Variants in ZNF502 observed in about 807,000 individuals in gnomAD.
The protein encoded by ZNF502 is zinc finger protein 502.
ZNF502 carries 29 observed loss-of-function variants against 43.6 expected under a neutral mutation model. That is an observed-to-expected ratio of 0.67 (90% confidence interval 0.50 to 0.91). The LOEUF (loss-of-function observed/expected upper bound fraction) is 0.91, where lower values mean the gene tolerates loss of function less well. Among genes scored for constraint, ZNF502 ranks in the 40% least tolerant of loss-of-function variants. The probability of loss-of-function intolerance (pLI) is 0.00; values close to 1 mark genes in which losing one functional copy is unlikely to be tolerated. For synonymous variants in ZNF502, 171 were observed against 207.4 expected (o/e 0.82, Z 1.51); for missense variants, 591 against 647.2 (o/e 0.91, Z 0.94).
Position 44,722,222 on chromosome 3 carries a change from G to A in ZNF502, c.1405G>A (p.Gly469Arg), listed in dbSNP as rs200626096. ...GAAGCCCTATAAATGTAAAGAATGT[G>A]GGAAAGCCTTTGCTCATAGCTCATC... is the stretch of plus-strand genomic sequence containing the variant. ...GEKPYKCKEC[G>R]KAFAHSSSLT... Residue 469 changes from glycine to arginine, a missense_variant, in exon 3 of 3, where the codon GGG becomes AGG. Physicochemically the swap from Gly to Arg is moderately radical, Grantham distance 125. Transcript: ENST00000436624. The A allele has an allele frequency of 1.5e-5, 25 of 1,614,024 alleles. No individual in the cohort carries two copies. Among genetic ancestry groups the A allele is most frequent in the African/African-American group, 2.7e-5 (2 of 74,916 alleles).
intron 1 of ZNF502, 73 bp from the exon 2 acceptor site, chr3:44,720,130 C>A: frequency 1.1e-6 from 1 of 915,898 alleles, no homozygotes; most frequent in Non-Finnish European, 1.8e-6. Context: ...TAGGCAACAG[C>A]TCTTTGTTTT....
intron 1 of ZNF502, among the ~76,000 whole-genome samples, chr3:44,713,576 T>C (rs932377143): frequency 6.6e-6 from 1 of 151,726 alleles, no homozygotes; most frequent in African/African-American, 2.4e-5. Context: ...TGTTTTTTGG[T>C]TTTTGGTTTG....
At chr3:44,720,790 C>CT in intron 2 of ZNF502, 83 bp from the exon 3 acceptor site, 1 of 1,491,858 alleles carries the variant, frequency 6.7e-7, no homozygotes, top group Non-Finnish European at 9.0e-7. Context: ...TTACTGAGGT[C>CT]TGCCAAAAGT....
At position 44,721,809 on chromosome 3, in the gene ZNF502, CTT is replaced by C. The variant is rs1352667853; in HGVS notation, c.994_995del (p.Phe332ProfsTer14). The C allele has an allele frequency of 6.2e-7, 1 of 1,613,968 alleles. No homozygotes were observed. Among genetic ancestry groups the C allele is most frequent in the Non-Finnish European group, 8.5e-7 (1 of 1,180,000 alleles). On this transcript the variant is annotated frameshift_variant, in exon 3 of 3. Coordinates refer to ENST00000436624, the MANE Select transcript of ZNF502 (RefSeq NM_001134442.3). LOFTEE classifies it high-confidence loss of function. ...CATAAATGTGACGAATGTGGGAAAACTTTCCAAACAAAGGCAAACCTCTCTCA... is the reference window on the plus strand; with the variant it reads ...CATAAATGTGACGAATGTGGGAAAACTCCAAACAAAGGCAAACCTCTCTCA...
chr3:44,718,394 A>G (rs1030100640), intron 1 of ZNF502, among the ~76,000 whole-genome samples: 1 of 152,240 alleles, frequency 6.6e-6, no homozygotes, highest in African/African-American at 2.4e-5. Flanking sequence ...TGCTGTAGAC[A>G]GAGGAATATG....
At chr3:44,717,215 AG>A (rs1240815722) in intron 1 of ZNF502, among the ~76,000 whole-genome samples, 3 of 151,944 alleles carry the variant, frequency 2.0e-5, no homozygotes, top group African/African-American at 7.3e-5. Context: ...TTTTTTTTCC[AG>A]GTAGTTAGCA....
Position 44,722,204 on chromosome 3 carries a change from T to A in ZNF502, c.1387T>A (p.Tyr463Asn). Residue 463 changes from tyrosine to asparagine, a missense_variant, in exon 3 of 3, where the codon TAT becomes AAT. Coordinates refer to ENST00000436624, the MANE Select transcript of ZNF502 (RefSeq NM_001134442.3). ...HMRIHTGEKPYKCKECGKAFA... is the reference protein window; with the variant it reads ...HMRIHTGEKPNKCKECGKAFA... ...GAGAATTCATACTGGAGAGAAGCCC[T>A]ATAAATGTAAAGAATGTGGGAAAGC... 6.2e-7 allele frequency: 1 copy of A among 1,614,186 alleles called. No individual in the cohort carries two copies. The highest frequency in any genetic ancestry group is 8.5e-7 in the Non-Finnish European group (1 of 1,180,042).
chr3:44,721,548 G>A lies in ZNF502; in HGVS notation c.731G>A (p.Cys244Tyr). The change falls in exon 3 of 3, where the codon TGT becomes TAT. Residue 244 changes from cysteine (C) to tyrosine (Y), a missense_variant. By Grantham distance (194) the Cys-to-Tyr change is radical. Coordinates refer to ENST00000436624, the MANE Select transcript of ZNF502 (RefSeq NM_001134442.3). ...GAGAAACCTTATAAATGCAATGAATGTGGGAATTCCTTCCGCAATCACTCA... is the reference window on the plus strand; with the variant it reads ...GAGAAACCTTATAAATGCAATGAATATGGGAATTCCTTCCGCAATCACTCA... ...TGEKPYKCNE[C>Y]GNSFRNHSHL... 1.2e-6 allele frequency: 2 copies of A among 1,607,592 alleles called. No individual in the cohort carries two copies. Among genetic ancestry groups the A allele is most frequent in the Non-Finnish European group, 1.7e-6 (2 of 1,176,056 alleles).
At chr3:44,719,824 T>C (rs567127038) in intron 1 of ZNF502, among the ~76,000 whole-genome samples, 32 of 152,368 alleles carry the variant, frequency 2.1e-4, no homozygotes, top group Admixed American at 1.4e-3. Context: ...TATACAACTT[T>C]TAACTATATT....
chr3:44,720,834 C>A, intron 2 of ZNF502, 39 bp from the exon 3 acceptor site: 1 of 1,568,436 alleles, frequency 6.4e-7, no homozygotes, highest in Non-Finnish European at 8.6e-7. Context: ...CTTCACTCTG[C>A]CCTGTACAGG....
At chr3:44,713,871 C>T (rs140527735) in intron 1 of ZNF502, among the ~76,000 whole-genome samples, 2,557 of 152,238 alleles carry the variant, frequency 0.017, 45 homozygotes, top group African/African-American at 0.039. Flanking sequence ...TGAAACACCG[C>T]GCCAGGCCTA....
At chr3:44,713,696 T>C (rs1559497909) in intron 1 of ZNF502, among the ~76,000 whole-genome samples, 1 of 151,998 alleles carries the variant, frequency 6.6e-6, no homozygotes, top group African/African-American at 2.4e-5. Context: ...TTCTCCTGCC[T>C]CAGCCTCCCG....
chr3:44,716,899 C>A (rs1353219900), intron 1 of ZNF502, among the ~76,000 whole-genome samples: 2 of 151,944 alleles, frequency 1.3e-5, no homozygotes, highest in Non-Finnish European at 2.9e-5. Flanking sequence ...TCTCTCAGTT[C>A]ATCTTTTTTT....
Position 44,723,697 on chromosome 3 carries a change from C to G in ZNF502, c.*1245C>G, listed in dbSNP as rs1029551880. On this transcript the variant is annotated 3_prime_UTR_variant, in exon 3 of 3. Transcript: ENST00000436624. ...TTATTTCCCAAATTCCTTTCATGTT[C>G]TTAACTGCTACCCAGAAATTGAGCT... The G allele has an allele frequency of 6.6e-6, 1 of 152,112 alleles. No individual in the cohort carries two copies. The highest frequency in any genetic ancestry group is 1.5e-5 in the Non-Finnish European group (1 of 68,026). The allele number at this position is 152,112 out of a possible 1,614,324, so 9.4% of individuals were successfully genotyped here.
intron 1 of ZNF502, among the ~76,000 whole-genome samples, chr3:44,714,053 A>G (rs1327818759): frequency 3.3e-5 from 5 of 152,204 alleles, no homozygotes; most frequent in Admixed American, 3.3e-4. Context: ...AGAGAGGAGT[A>G]CATTTCAATG....
intron 1 of ZNF502, among the ~76,000 whole-genome samples, chr3:44,719,282 C>T (rs1330340266): frequency 1.3e-5 from 2 of 152,208 alleles, no homozygotes; most frequent in Non-Finnish European, 2.9e-5. Context: ...CAAGGATCTT[C>T]TTAAATCTTT....
rs374242187 is a variant in ZNF502, at chr3:44,722,486, G to A, written c.*34G>A. The A allele has an allele frequency of 4.1e-5, 64 of 1,571,914 alleles. No individual in the cohort carries two copies. Among genetic ancestry groups the A allele is most frequent in the African/African-American group, 8.1e-5 (6 of 74,190 alleles). On this transcript the variant is annotated 3_prime_UTR_variant, in exon 3 of 3. Coordinates refer to ENST00000436624, the MANE Select transcript of ZNF502 (RefSeq NM_001134442.3). Reference sequence around the variant, plus strand: ...TTTAGGTTATGACAGTTTCTCTAGCGAGGATGACTACGAATCTGACTGGGA... The same window carrying A: ...TTTAGGTTATGACAGTTTCTCTAGCAAGGATGACTACGAATCTGACTGGGA...
rs1200900036 is a variant in ZNF502, at chr3:44,723,049, C to T, written c.*597C>T. 6.6e-6 allele frequency: 1 copy of T among 151,904 alleles called. No homozygotes were observed. Among genetic ancestry groups the T allele is most frequent in the Admixed American group, 6.6e-5 (1 of 15,252 alleles). The allele number at this position is 151,904 out of a possible 1,614,324, so 9.4% of individuals were successfully genotyped here. A position where few individuals can be genotyped will look rare whatever the true frequency, so the allele number is the denominator to read the frequency against. On this transcript the variant is annotated 3_prime_UTR_variant, in exon 3 of 3. Coordinates refer to ENST00000436624, the MANE Select transcript of ZNF502 (RefSeq NM_001134442.3). ...GATATAAAGCAACAACTGGGCTGAC[C>T]TCTATAGATCTGCCAGTAAAGAAGG...
chr3:44,721,050 T>G lies in ZNF502; in HGVS notation c.233T>G (p.Phe78Cys). Residue 78 changes from phenylalanine to cysteine, a missense_variant, in exon 3 of 3, where the codon TTC (phenylalanine) becomes TGC (cysteine). Transcript: ENST00000436624. The part of the protein sequence containing the change: ...SPREIAESCL[F>C]QEGGFGRITF... ...AGGGAGATTGCTGAATCATGCCTTT[T>G]CCAGGAAGGAGGTTTTGGGAGAATA... The G allele has an allele frequency of 6.2e-7, 1 of 1,614,138 alleles. No homozygotes were observed. Among genetic ancestry groups the G allele is most frequent in the Non-Finnish European group, 8.5e-7 (1 of 1,179,994 alleles).
Sources: gnomAD v4.1 joint callset for allele counts (sites outside exome capture counted in the v4.1 genomes callset) on GRCh38, gnomAD v4.1.1 for gene constraint, MANE v1.5 for transcripts, NCBI Gene and HGNC (gene_info 2026-07-23, HGNC 2026-07-21) for gene names.